The following RSPO2 variants were observed in gnomAD, a reference collection of about 807,000 sequenced individuals.
The protein encoded by RSPO2 is R-spondin-2.
In RSPO2, 14 loss-of-function variants were observed where a neutral mutation model predicts 30.9. The observed-to-expected ratio is 0.45, with a 90% CI of 0.30 to 0.71. The LOEUF (loss-of-function observed/expected upper bound fraction) is 0.71. Among genes scored for constraint, RSPO2 ranks in the 30% least tolerant of loss-of-function variants. The probability of loss-of-function intolerance (pLI) is 0.08; values close to 1 mark genes in which losing one functional copy is unlikely to be tolerated. For synonymous variants in RSPO2, 107 were observed against 96.4 expected (o/e 1.11, Z -0.64); for missense variants, 264 against 301.9 (o/e 0.87, Z 0.93).
At chr8:108,013,273 T>A (rs1446412745) in intron 2 of RSPO2, among the ~76,000 whole-genome samples, 1 of 152,204 alleles carries the variant, frequency 6.6e-6, no homozygotes, top group African/African-American at 2.4e-5. Context: ...TTTGGTTGGT[T>A]TTTGTACTCA....
intron 5 of RSPO2, among the ~76,000 whole-genome samples, chr8:107,957,064 T>C (rs779574180): frequency 6.6e-6 from 1 of 151,970 alleles, no homozygotes; most frequent in Admixed American, 6.6e-5. Context: ...CCGACTGGAG[T>C]CTTCGAGTCT....
chr8:108,050,709 T>C (rs1254229227), intron 2 of RSPO2, among the ~76,000 whole-genome samples: 1 of 152,202 alleles, frequency 6.6e-6, no homozygotes, highest in East Asian at 1.9e-4. Context: ...GCTGCCACTA[T>C]CTAGCAAATG....
intron 2 of RSPO2, among the ~76,000 whole-genome samples, chr8:108,015,476 T>A (rs1586629711): frequency 6.6e-6 from 1 of 152,256 alleles, no homozygotes; most frequent in Middle Eastern, 3.4e-3. Context: ...CAAACAGTAG[T>A]CGGGTTCCTC....
At chr8:108,047,395 A>T (rs760168838) in intron 2 of RSPO2, among the ~76,000 whole-genome samples, 1 of 152,242 alleles carries the variant, frequency 6.6e-6, no homozygotes, top group African/African-American at 2.4e-5. Flanking sequence ...ATCTTGTGAT[A>T]ATGATGAAGA....
chr8:108,064,825 A>G (rs186797020), intron 2 of RSPO2, among the ~76,000 whole-genome samples: 114 of 152,356 alleles, frequency 7.5e-4, no homozygotes, highest in Middle Eastern at 3.4e-3. Context: ...CATATACACC[A>G]TGGAATACTA....
In RSPO2 at chr8:107,983,864, T is replaced by C. The variant is rs1276171371; in HGVS notation, c.283+5192A>G. On this transcript the variant is annotated intron_variant, in intron 3 of 5. Coordinates refer to ENST00000276659, the MANE Select transcript of RSPO2 (RefSeq NM_178565.5). ...CCTGGCAGAAGTTTGCAGCAAATAC[T>C]GGGAAAGCCAAGGACATTCCTGTCT... 33 of 1,549,922 alleles carry C rather than the reference T, an allele frequency of 2.1e-5. No individual in the cohort carries two copies. In the Admixed American group the frequency reaches 5.2e-4, roughly 24 times the overall value.
intron 3 of RSPO2, among the ~76,000 whole-genome samples, chr8:107,972,766 T>G (rs1439125481): frequency 6.6e-6 from 1 of 152,138 alleles, no homozygotes; most frequent in Non-Finnish European, 1.5e-5. Context: ...TAGACCCAAG[T>G]TACTAGGATG....
intron 3 of RSPO2, among the ~76,000 whole-genome samples, chr8:107,974,847 T>TAA (rs1554578189): frequency 6.6e-6 from 1 of 150,814 alleles, no homozygotes; most frequent in African/African-American, 2.4e-5. Context: ...CACATACACA[T>TAA]ACACACACAC....
At chr8:108,057,647 T>C (rs1357991255) in intron 2 of RSPO2, among the ~76,000 whole-genome samples, 2 of 151,936 alleles carry the variant, frequency 1.3e-5, no homozygotes. Flanking sequence ...AAATAGTGGA[T>C]ACAGATCATT....
chr8:108,063,501 A>C (rs1812546827), intron 2 of RSPO2, among the ~76,000 whole-genome samples: 1 of 151,860 alleles, frequency 6.6e-6, no homozygotes, highest in African/African-American at 2.4e-5. Context: ...TTCAAGGAGA[A>C]CTACAAACCA....
At chr8:107,983,527 C>A in intron 3 of RSPO2, 2 of 1,600,632 alleles carry the variant, frequency 1.2e-6, no homozygotes, top group Non-Finnish European at 8.6e-7. Context: ...TGACAGGGAT[C>A]CAGACACACT....
At chr8:107,907,765 C>T (rs1811698266) in intron 5 of RSPO2, among the ~76,000 whole-genome samples, 1 of 152,108 alleles carries the variant, frequency 6.6e-6, no homozygotes, top group Non-Finnish European at 1.5e-5. Flanking sequence ...CTATTTCAAT[C>T]AGCCAGTTTA....
At chr8:107,988,949 C>A in intron 3 of RSPO2, 107 bp downstream of exon 3, 2 of 1,033,106 alleles carry the variant, frequency 1.9e-6, no homozygotes, top group Non-Finnish European at 2.8e-6. Flanking sequence ...TTTCTATCAC[C>A]TATTACAAAC....
rs77363208 is a variant in RSPO2 at position 108,009,771 on chromosome 8, T to C, written c.95-20527A>G. Among the ~76,000 whole-genome samples the C allele has an allele frequency of 8.7e-3, 1,331 of 152,232 alleles. 9 individuals carry two copies. The highest frequency in any genetic ancestry group is 0.015 in the South Asian group (74 of 4,824). ...TCACATTATAAGACACTGAATAGGC[T>C]GGTTGCGGTGGCTCACACCTGTAAT... On this transcript the variant is annotated intron_variant, in intron 2 of 5. Transcript: ENST00000276659.
chr8:108,008,835 C>T lies in RSPO2; in HGVS notation c.95-19591G>A, dbSNP rs544704373. On this transcript the variant is annotated intron_variant, in intron 2 of 5. Transcript: ENST00000276659. The stretch of plus-strand genomic sequence containing the variant: ...AGGTAAATTTGACTGAAACAATAAA[C>T]TTCTTTGCAAGAAAGTACATAAACT... Among the ~76,000 whole-genome samples, 11 of 149,804 alleles carry T rather than the reference C, an allele frequency of 7.3e-5. No homozygotes were observed. In the South Asian group the frequency reaches 1.1e-3, roughly 14 times the overall value.
chr8:107,921,217 T>C (rs1301419631), intron 5 of RSPO2, among the ~76,000 whole-genome samples: 3 of 151,792 alleles, frequency 2.0e-5, no homozygotes, highest in Non-Finnish European at 4.4e-5. Flanking sequence ...ACACTTCTGA[T>C]AGAAAATAAG....
intron 5 of RSPO2, among the ~76,000 whole-genome samples, chr8:107,930,535 T>C (rs1812521471): frequency 6.6e-6 from 1 of 152,222 alleles, no homozygotes; most frequent in Non-Finnish European, 1.5e-5. Context: ...ATCTAACCTT[T>C]GTTACACCAT....
chr8:108,063,653 C>T (rs963500104), intron 2 of RSPO2, among the ~76,000 whole-genome samples: 1 of 151,862 alleles, frequency 6.6e-6, no homozygotes, highest in Non-Finnish European at 1.5e-5. Context: ...CTACCAATGA[C>T]TTTCTTCACA....
chr8:107,903,479 T>TTC (rs1811543482), intron 5 of RSPO2, among the ~76,000 whole-genome samples: 2 of 152,234 alleles, frequency 1.3e-5, no homozygotes, highest in African/African-American at 4.8e-5. Context: ...CCCAATATAT[T>TTC]ATTCTGAAGT....
Sources: gnomAD v4.1 joint callset for allele counts (sites outside exome capture counted in the v4.1 genomes callset) on GRCh38, gnomAD v4.1.1 for gene constraint, MANE v1.5 for transcripts, NCBI Gene and HGNC (gene_info 2026-07-23, HGNC 2026-07-21) for gene names.